Variants in PTPRD observed in about 807,000 individuals in gnomAD.
The protein encoded by PTPRD is protein tyrosine phosphatase receptor type D.
In PTPRD, 34 loss-of-function variants were observed where a neutral mutation model predicts 214.5. The ratio of observed to expected loss-of-function variants is 0.16; its 90% CI spans 0.12 to 0.21. PTPRD has a LOEUF of 0.21. Ranked by LOEUF, PTPRD falls within the 10% of genes least tolerant of loss-of-function variation. The pLI, the probability that PTPRD is intolerant of heterozygous loss-of-function variation, is 1.00. For missense variants in PTPRD, 2,545 were observed against 2,398.7 expected, an observed-to-expected ratio of 1.06 and a Z score of -1.27; for synonymous variants, 1,128 against 845.7, an observed-to-expected ratio of 1.33 and a Z score of -5.79.
intron 9 of PTPRD, among the ~76,000 whole-genome samples, chr9:9,213,559 G>C (rs1455990210): frequency 6.6e-6 from 1 of 151,976 alleles, no homozygotes; most frequent in Non-Finnish European, 1.5e-5. Context: ...GCAACCATTG[G>C]TTAGGTCTGC....
intron 11 of PTPRD, among the ~76,000 whole-genome samples, chr9:8,776,877 TAG>T (rs1414627619): frequency 3.1e-4 from 45 of 146,708 alleles, no homozygotes; most frequent in African/African-American, 1.0e-3. Flanking sequence ...TACATATGTA[TAG>T]TATATGAATA....
At chr9:10,504,939 T>C (rs767443268) in intron 2 of PTPRD, among the ~76,000 whole-genome samples, 2 of 152,150 alleles carry the variant, frequency 1.3e-5, no homozygotes, top group African/African-American at 4.8e-5. Context: ...AAAGCTGACT[T>C]GTAACACTGG....
intron 7 of PTPRD, among the ~76,000 whole-genome samples, chr9:9,725,699 T>C (rs1002624488): frequency 1.6e-4 from 24 of 152,226 alleles, no homozygotes; most frequent in South Asian, 2.1e-4. Flanking sequence ...AATGTGTATG[T>C]TTATTTTTCT....
chr9:10,123,834 G>A (rs1448322585), intron 3 of PTPRD, among the ~76,000 whole-genome samples: 1 of 152,140 alleles, frequency 6.6e-6, no homozygotes, highest in Non-Finnish European at 1.5e-5. Flanking sequence ...TGAGCTGGCT[G>A]GAGAGTAACT....
At chr9:10,512,603 C>T (rs991314331) in intron 2 of PTPRD, among the ~76,000 whole-genome samples, 1 of 152,194 alleles carries the variant, frequency 6.6e-6, no homozygotes, top group Non-Finnish European at 1.5e-5. Flanking sequence ...ACCTTCATTT[C>T]TCATGGTGAG....
chr9:9,378,561 G>A (rs1194694092), intron 9 of PTPRD, among the ~76,000 whole-genome samples: 1 of 152,124 alleles, frequency 6.6e-6, no homozygotes, highest in African/African-American at 2.4e-5. Context: ...CATATGGTAA[G>A]AGTATGTGTA....
intron 3 of PTPRD, among the ~76,000 whole-genome samples, chr9:10,147,154 T>C (rs1564123177): frequency 6.6e-6 from 1 of 152,154 alleles, no homozygotes; most frequent in Non-Finnish European, 1.5e-5. Context: ...CCCTTTTCTA[T>C]CCCTCTGACA....
At chr9:9,132,294 C>T (rs1298746293) in intron 10 of PTPRD, among the ~76,000 whole-genome samples, 2 of 152,118 alleles carry the variant, frequency 1.3e-5, no homozygotes, top group Non-Finnish European at 2.9e-5. Context: ...CAGGCGTGAG[C>T]CACCATGCCA....
At chr9:8,519,765 C>G (rs1421511063) in intron 20 of PTPRD, among the ~76,000 whole-genome samples, 1 of 152,108 alleles carries the variant, frequency 6.6e-6, no homozygotes, top group Non-Finnish European at 1.5e-5. Flanking sequence ...AAGATTCACT[C>G]TTATGTTTTA....
chr9:8,923,950 C>A (rs573152850), intron 11 of PTPRD, among the ~76,000 whole-genome samples: 1 of 152,224 alleles, frequency 6.6e-6, no homozygotes, highest in African/African-American at 2.4e-5. Context: ...TTAAAAAATC[C>A]TTTAAACTGT....
In PTPRD at chr9:9,366,560, T is replaced by C. The variant is rs572569643; in HGVS notation, c.-203+30889A>G. Among the ~76,000 whole-genome samples the C allele has an allele frequency of 7.3e-5, 11 of 151,668 alleles. No individual in the cohort carries two copies. The South Asian group carries it at 1.5e-3, about 20-fold the overall frequency. ...GAAAGCACTAGCTCCTAAACTGAAA[T>C]GAATAGGCTGGTTCTGTTTAATCAG... On this transcript the variant is annotated intron_variant, in intron 9 of 45. Coordinates refer to ENST00000381196, the MANE Select transcript of PTPRD (RefSeq NM_002839.4).
chr9:9,600,931 T>G (rs1017841336), intron 7 of PTPRD, among the ~76,000 whole-genome samples: 1 of 152,076 alleles, frequency 6.6e-6, no homozygotes, highest in Non-Finnish European at 1.5e-5. Flanking sequence ...GGCTTTCTTG[T>G]TTTTGGTTTG....
chr9:9,945,712 A>G (rs2092448489), intron 4 of PTPRD, among the ~76,000 whole-genome samples: 2 of 152,262 alleles, frequency 1.3e-5, no homozygotes, highest in Middle Eastern at 3.4e-3. Context: ...GTACCTACAT[A>G]TATTATTTTC....
At chr9:9,301,729 T>C (rs1955389086) in intron 9 of PTPRD, among the ~76,000 whole-genome samples, 1 of 151,928 alleles carries the variant, frequency 6.6e-6, no homozygotes, top group South Asian at 2.1e-4. Flanking sequence ...TATAAAATTG[T>C]ATTGATTGCA....
chr9:10,102,507 C>T (rs2098562204), intron 3 of PTPRD, among the ~76,000 whole-genome samples: 1 of 151,550 alleles, frequency 6.6e-6, no homozygotes, highest in Non-Finnish European at 1.5e-5. Context: ...AAACATGTCA[C>T]AACATCTACC....
At chr9:9,863,420 G>A (rs2063231015) in intron 5 of PTPRD, among the ~76,000 whole-genome samples, 1 of 152,150 alleles carries the variant, frequency 6.6e-6, no homozygotes. Flanking sequence ...ATGTTTGGGG[G>A]CAAGGAGGGT....
At chr9:9,388,762 A>G (rs2064790228) in intron 9 of PTPRD, among the ~76,000 whole-genome samples, 1 of 152,218 alleles carries the variant, frequency 6.6e-6, no homozygotes, top group Non-Finnish European at 1.5e-5. Context: ...AGTAAGTAGC[A>G]TATGTATACT....
At chr9:9,178,403 G>A (rs186515334) in intron 10 of PTPRD, among the ~76,000 whole-genome samples, 2 of 151,174 alleles carry the variant, frequency 1.3e-5, no homozygotes, top group African/African-American at 4.9e-5. Flanking sequence ...TTCTATCAAA[G>A]GGTGATGTGG....
chr9:9,825,406 AAG>A (rs1037108283), intron 5 of PTPRD, among the ~76,000 whole-genome samples: 15 of 103,880 alleles, frequency 1.4e-4, no homozygotes, highest in African/African-American at 6.0e-4. Context: ...CAGAGAGAGA[AAG>A]AGAGAGAGAA....
Sources: allele counts gnomAD v4.1 joint callset (sites outside exome capture counted in the v4.1 genomes callset), GRCh38; gene constraint gnomAD v4.1.1; transcripts MANE v1.5; gene names NCBI Gene and HGNC (gene_info 2026-07-23, HGNC 2026-07-21).